IGSF5: variants seen among roughly 807,000 people sequenced by gnomAD.
IGSF5 encodes the protein immunoglobulin superfamily member 5.
A neutral mutation model predicts 39.4 loss-of-function variants in IGSF5; 41 were observed. That is an observed-to-expected ratio of 1.04 (90% CI 0.81 to 1.35). The LOEUF is 1.35. IGSF5 is among the 40% of genes most tolerant of loss of function. The probability of loss-of-function intolerance (pLI) is 0.00; values close to 1 mark genes in which losing one functional copy is unlikely to be tolerated. For missense variants in IGSF5, 487 were observed against 494.6 expected (o/e 0.98, Z 0.15); for synonymous variants, 183 against 175.3 (o/e 1.04, Z -0.34).
At chr21:39,769,644 G>A (rs550301376) in intron 3 of IGSF5, among the ~76,000 whole-genome samples, 44 of 152,164 alleles carry the variant, frequency 2.9e-4, no homozygotes, top group African/African-American at 1.0e-3. Context: ...CAGACTGAAT[G>A]AAGAGACAGC....
chr21:39,714,182 T>G, the IGSF5 span, among the ~76,000 whole-genome samples: 1 of 152,264 alleles, frequency 6.6e-6, no homozygotes, highest in Non-Finnish European at 1.5e-5. Flanking sequence ...GAAAAAGTTC[T>G]ACATGGGCTC....
At chr21:39,739,344 C>T in the IGSF5 span, among the ~76,000 whole-genome samples, 6 of 151,966 alleles carry the variant, frequency 3.9e-5, no homozygotes, top group African/African-American at 1.2e-4. Context: ...AGGGGGTTGC[C>T]GTTGCTGGCT....
At chr21:39,797,194 G>A (rs914772462) in intron 8 of IGSF5, among the ~76,000 whole-genome samples, 4 of 150,562 alleles carry the variant, frequency 2.7e-5, no homozygotes, top group Non-Finnish European at 5.9e-5. Context: ...GTGTGTGCAT[G>A]TGCAGATAGA....
At chr21:39,756,339 G>C (rs935545006) in intron 2 of IGSF5, among the ~76,000 whole-genome samples, 4 of 152,222 alleles carry the variant, frequency 2.6e-5, no homozygotes, top group Non-Finnish European at 5.9e-5. Context: ...ACTTGGATGA[G>C]ATGTCCGCAG....
chr21:39,765,956 T>G, intron 3 of IGSF5, 104 bp downstream of exon 3: 1 of 1,034,402 alleles, frequency 9.7e-7, no homozygotes. Context: ...TGGTCTACCT[T>G]CAGTTGGTGT....
At chr21:39,800,119 T>C (rs2087020551) in intron 8 of IGSF5, among the ~76,000 whole-genome samples, 1 of 152,204 alleles carries the variant, frequency 6.6e-6, no homozygotes, top group South Asian at 2.1e-4. Flanking sequence ...AACCAATTAC[T>C]GGGAAAGGCA....
the IGSF5 span, among the ~76,000 whole-genome samples, chr21:39,733,143 A>G: frequency 6.6e-6 from 1 of 152,204 alleles, no homozygotes; most frequent in Admixed American, 6.5e-5. Flanking sequence ...CTATGCATAC[A>G]TAAATTCATC....
chr21:39,734,674 T>A, the IGSF5 span, among the ~76,000 whole-genome samples: 3 of 152,114 alleles, frequency 2.0e-5, no homozygotes, highest in Non-Finnish European at 4.4e-5. Flanking sequence ...GTGATGCTGG[T>A]ATTCGCCACC....
chr21:39,736,560 T>TA, the IGSF5 span, among the ~76,000 whole-genome samples: 67 of 148,844 alleles, frequency 4.5e-4, no homozygotes, highest in African/African-American at 5.7e-4. Flanking sequence ...AAGTATAATT[T>TA]AAAAAAAAAA....
chr21:39,716,500 C>G, the IGSF5 span, among the ~76,000 whole-genome samples: 2 of 152,114 alleles, frequency 1.3e-5, no homozygotes, highest in Non-Finnish European at 2.9e-5. Flanking sequence ...TCTCCTCCCA[C>G]CCTCTCCGCT....
At chr21:39,718,128 T>C in the IGSF5 span, among the ~76,000 whole-genome samples, 4 of 152,198 alleles carry the variant, frequency 2.6e-5, no homozygotes, top group Non-Finnish European at 5.9e-5. Context: ...GGGATTGCCT[T>C]TCTGATTTGG....
chr21:39,796,944 G>C (rs1381015680), intron 8 of IGSF5, among the ~76,000 whole-genome samples: 1 of 152,198 alleles, frequency 6.6e-6, no homozygotes, highest in African/African-American at 2.4e-5. Context: ...TTTTGGTTTT[G>C]TGAACAGGAC....
rs887350024 is a variant in IGSF5 at position 39,787,032 on chromosome 21, G to A, written c.935-1135G>A. ...TAGATGGTGAGTTAGTGGGTGTAGC[G>A]CACCAGCATGTCACATGTATACATA... On this transcript the variant is annotated intron_variant, in intron 5 of 8. Transcript: ENST00000380588. Among the ~76,000 whole-genome samples the A allele has an allele frequency of 2.6e-5, 4 of 152,056 alleles. No individual in the cohort carries two copies. In the South Asian group the frequency reaches 6.2e-4, roughly 24 times the overall value.
rs532102329 is a variant in IGSF5 at position 39,758,441 on chromosome 21, C to T, written c.101-7094C>T. ...TGCTGAAATGTCCCTTCCCCTCCCT[C>T]GTTTCTCACCTCTTCAATTTCTATC... On this transcript the variant is annotated intron_variant, in intron 2 of 8. Transcript: ENST00000380588. Among the ~76,000 whole-genome samples, 9 of 152,314 alleles carry T rather than the reference C, an allele frequency of 5.9e-5. No individual in the cohort carries two copies. In the South Asian group the frequency reaches 1.7e-3, roughly 28 times the overall value.
chr21:39,753,341 CATT>C (rs2080014624), intron 2 of IGSF5, among the ~76,000 whole-genome samples: 1 of 152,142 alleles, frequency 6.6e-6, no homozygotes, highest in East Asian at 1.9e-4. Flanking sequence ...TATTTTGTTC[CATT>C]AGTCTATGTG....
At chr21:39,792,145 C>A (rs760871794) in intron 7 of IGSF5, 46 bp downstream of exon 7, 15 of 1,330,274 alleles carry the variant, frequency 1.1e-5, no homozygotes, top group Admixed American at 1.9e-5. Flanking sequence ...AAAGAGAGAG[C>A]TGGAAGAAGG....
intron 6 of IGSF5, among the ~76,000 whole-genome samples, chr21:39,789,334 T>C (rs2086946771): frequency 6.6e-6 from 1 of 152,340 alleles, no homozygotes; most frequent in Admixed American, 6.5e-5. Flanking sequence ...CTAGTATATC[T>C]TGAGTGCCTG....
chr21:39,728,611 C>T, the IGSF5 span, among the ~76,000 whole-genome samples: 3 of 152,184 alleles, frequency 2.0e-5, no homozygotes, highest in African/African-American at 4.8e-5. Context: ...CTTCCTCTCT[C>T]GTGCTCCCGG....
intron 1 of IGSF5, 105 bp downstream of exon 1, chr21:39,745,631 T>A: frequency 3.0e-6 from 2 of 671,974 alleles, no homozygotes; most frequent in South Asian, 1.6e-5. Flanking sequence ...CTGCCTCTAG[T>A]TGGCCCTTGG....
Sources: allele counts gnomAD v4.1 joint callset (sites outside exome capture counted in the v4.1 genomes callset), GRCh38; gene constraint gnomAD v4.1.1; transcripts MANE v1.5; gene names NCBI Gene and HGNC (gene_info 2026-07-23, HGNC 2026-07-21).